Variants in WDR27 observed in about 807,000 individuals in gnomAD.
The protein encoded by WDR27 is WD repeat-containing protein 27.
WDR27 carries 100 observed loss-of-function variants against 114.4 expected under a neutral mutation model. That is an observed-to-expected ratio of 0.87 (90% confidence interval 0.74 to 1.03). WDR27 has a LOEUF of 1.03. WDR27 is among the 50% of genes least tolerant of loss of function. The pLI, the probability that WDR27 is intolerant of heterozygous loss-of-function variation, is 0.00. For missense variants in WDR27, 1,129 were observed against 1,092.9 expected (o/e 1.03, Z -0.47); for synonymous variants, 449 against 423.1 (o/e 1.06, Z -0.75).
downstream of WDR27, chr6:169,457,181 G>A (rs567069727): frequency 2.8e-5 from 5 of 179,706 alleles, no homozygotes; most frequent in Non-Finnish European, 4.7e-5. Flanking sequence ...AGAGCCATGG[G>A]CCGACTAATC....
At chr6:169,642,775 T>C (rs902051081) in intron 17 of WDR27, among the ~76,000 whole-genome samples, 1 of 152,194 alleles carries the variant, frequency 6.6e-6, no homozygotes, top group Non-Finnish European at 1.5e-5. Context: ...TGCTTCCCAC[T>C]GTCTCTGTCC....
intron 2 of WDR27, among the ~76,000 whole-genome samples, chr6:169,674,677 C>G (rs1334265093): frequency 2.0e-5 from 3 of 151,998 alleles, no homozygotes; most frequent in African/African-American, 7.3e-5. Context: ...GAAAATTTTC[C>G]AAATTTTGAT....
chr6:169,452,511 CGTGCGTGGGGTCAGAGAGGA>C (rs1174571662), downstream of WDR27, among the ~76,000 whole-genome samples: 5 of 15,056 alleles, frequency 3.3e-4, no homozygotes, highest in Admixed American at 2.8e-3. Context: ...AGAGAGGAGC[CGTGCGTGGGGTCAGAGAGGA>C]GCCGTGCGTG....
Position 169,613,591 on chromosome 6 carries a change from A to G in WDR27, c.2289T>C (p.Asp763=). 6.2e-7 allele frequency: 1 copy of G among 1,613,850 alleles called. No homozygotes were observed. The highest frequency in any genetic ancestry group is 1.1e-5 in the South Asian group (1 of 91,070). ...TTCTCAGGTCCCACAGTCTCATCCCATCGCCAATGGCCGTGGTCAGGAAAA... is the reference window on the plus strand; with the variant it reads ...TTCTCAGGTCCCACAGTCTCATCCCGTCGCCAATGGCCGTGGTCAGGAAAA... ...YNLFLTTAIG[D]GMRLWDLRTL... is the part of the protein sequence containing the mutation. Residue 763 remains aspartate, a synonymous_variant, in exon 22 of 26, where the codon GAT becomes GAC. Transcript: ENST00000448612.
chr6:169,613,616 A>G lies in WDR27; in HGVS notation c.2264T>C (p.Leu755Pro). 1.2e-6 allele frequency: 2 copies of G among 1,613,832 alleles called. No homozygotes were observed. The highest frequency in any genetic ancestry group is 1.7e-6 in the Non-Finnish European group (2 of 1,179,780). ...FTTQQPQAYNLFLTTAIGDGM... is the reference protein window; with the variant it reads ...FTTQQPQAYNPFLTTAIGDGM... ...ATCGCCAATGGCCGTGGTCAGGAAA[A>G]GGTTATAAGCCTGAGGCTGTTGGGT... Residue 755 changes from leucine to proline, a missense_variant, in exon 22 of 26, where the codon CTT becomes CCT. Transcript: ENST00000448612.
intron 25 of WDR27, among the ~76,000 whole-genome samples, chr6:169,494,164 C>A (rs933105771): frequency 6.6e-6 from 1 of 152,110 alleles, no homozygotes; most frequent in Non-Finnish European, 1.5e-5. Flanking sequence ...GTGGATACGG[C>A]TATGAGGGTG....
chr6:169,427,426 G>A, the WDR27 span, among the ~76,000 whole-genome samples: 1 of 130,208 alleles, frequency 7.7e-6, no homozygotes, highest in Non-Finnish European at 1.9e-5. Context: ...CTGACTCAGC[G>A]CCTAGGACCG....
intron 9 of WDR27, 65 bp downstream of exon 9, chr6:169,662,239 A>G: frequency 6.4e-7 from 1 of 1,554,390 alleles, no homozygotes; most frequent in Non-Finnish European, 8.8e-7. Context: ...AAATGAACCT[A>G]ATGTTCATCT....
intron 23 of WDR27, among the ~76,000 whole-genome samples, chr6:169,583,789 G>A (rs1410910596): frequency 6.6e-6 from 1 of 151,992 alleles, no homozygotes; most frequent in South Asian, 2.1e-4. Flanking sequence ...GAAGCGTATT[G>A]TGTATATTTG....
At chr6:169,465,088 A>C (rs148589329) in intron 25 of WDR27, among the ~76,000 whole-genome samples, 2,244 of 151,858 alleles carry the variant, frequency 0.015, 38 homozygotes, top group African/African-American at 0.05. Flanking sequence ...GTGAAACCCC[A>C]TCTCTACTAA....
chr6:169,670,663 G>C lies in WDR27; in HGVS notation c.362C>G (p.Ser121Trp), dbSNP rs201671423. 2 of 1,613,934 alleles carry C rather than the reference G, an allele frequency of 1.2e-6. No individual in the cohort carries two copies. Among genetic ancestry groups the C allele is most frequent in the Non-Finnish European group, 1.7e-6 (2 of 1,179,880 alleles). The change falls in exon 4 of 26, where the codon TCG becomes TGG. Residue 121 changes from serine (S) to tryptophan (W), a missense_variant. Ser to Trp is a radical substitution (Grantham distance 177). Transcript: ENST00000448612. ...GLVPRGTVMGSLLGKVLCLQL... is the reference protein window; with the variant it reads ...GLVPRGTVMGWLLGKVLCLQL... ...TAAACACAGCACCTTTCCCAAAAGC[G>C]AGCCCATGACAGTCCCTCGAGGGAC...
intron 24 of WDR27, among the ~76,000 whole-genome samples, chr6:169,580,726 G>A (rs1275446228): frequency 6.6e-6 from 1 of 151,892 alleles, no homozygotes; most frequent in Non-Finnish European, 1.5e-5. Flanking sequence ...TGTAGTCATG[G>A]TAAGTAATTA....
chr6:169,473,533 G>GA (rs1267462617), intron 25 of WDR27, among the ~76,000 whole-genome samples: 1 of 152,148 alleles, frequency 6.6e-6, no homozygotes, highest in African/African-American at 2.4e-5. Flanking sequence ...TCTTCAGTGA[G>GA]AAAGAAAAGG....
At chr6:169,554,579 C>A (rs2128106940) in intron 25 of WDR27, among the ~76,000 whole-genome samples, 2 of 152,284 alleles carry the variant, frequency 1.3e-5, no homozygotes, top group South Asian at 4.1e-4. Context: ...AGCATTTCTG[C>A]ATTCCAGATC....
intron 21 of WDR27, among the ~76,000 whole-genome samples, chr6:169,613,965 A>G (rs1449263768): frequency 1.3e-5 from 2 of 152,200 alleles, no homozygotes; most frequent in African/African-American, 4.8e-5. Flanking sequence ...TACAGTATAG[A>G]CCATAAGCCA....
intron 21 of WDR27, among the ~76,000 whole-genome samples, chr6:169,625,570 G>T (rs1363530690): frequency 1.3e-5 from 2 of 152,234 alleles, no homozygotes; most frequent in Non-Finnish European, 2.9e-5. Flanking sequence ...CGGGGACCAG[G>T]CCCGACGGGG....
intron 21 of WDR27, among the ~76,000 whole-genome samples, chr6:169,615,502 T>C (rs1811600160): frequency 1.3e-5 from 2 of 152,162 alleles, no homozygotes; most frequent in Non-Finnish European, 2.9e-5. Context: ...CCGACTGATA[T>C]TCAACAAAGC....
Position 169,701,893 on chromosome 6 carries a change from G to A in WDR27, c.-350C>T, listed in dbSNP as rs1788180436. The A allele has an allele frequency of 3.0e-6, 1 of 334,582 alleles. No homozygotes were observed. Among genetic ancestry groups the A allele is most frequent in the Non-Finnish European group, 5.8e-6 (1 of 171,978 alleles). 20.7% of individuals were successfully genotyped at this position (334,582 alleles called of 1,614,324 possible). A position where few individuals can be genotyped will look rare whatever the true frequency, so the allele number is the denominator to read the frequency against. On this transcript the variant is annotated 5_prime_UTR_variant, in exon 1 of 26. Coordinates refer to ENST00000448612, the MANE Select transcript of WDR27 (RefSeq NM_182552.5). ...AGCTCGGGTTCGGCGCCGACTCCGCGCCGAGACCAGCCCGCTAGGGGAGGA... is the reference window on the plus strand; with the variant it reads ...AGCTCGGGTTCGGCGCCGACTCCGCACCGAGACCAGCCCGCTAGGGGAGGA...
intron 25 of WDR27, among the ~76,000 whole-genome samples, chr6:169,500,935 A>G (rs1791118840): frequency 6.6e-6 from 1 of 152,196 alleles, no homozygotes; most frequent in African/African-American, 2.4e-5. Context: ...AGATGTGGAC[A>G]CCAGAAATGC....
Sources: gnomAD v4.1 joint callset for allele counts (sites outside exome capture counted in the v4.1 genomes callset) on GRCh38, gnomAD v4.1.1 for gene constraint, MANE v1.5 for transcripts, NCBI Gene and HGNC (gene_info 2026-07-23, HGNC 2026-07-21) for gene names.